Variants in SENP6 observed in about 807,000 individuals in gnomAD.
The protein encoded by SENP6 is sentrin-specific protease 6.
SENP6 carries 41 observed loss-of-function variants against 134.5 expected under a neutral mutation model. That is an observed-to-expected ratio of 0.30 (90% CI 0.24 to 0.40). The LOEUF is 0.40. Among genes scored for constraint, SENP6 ranks in the 10% least tolerant of loss-of-function variants. SENP6 has a pLI of 1.00. For missense variants in SENP6, 1,248 were observed against 1,312.5 expected, an observed-to-expected ratio of 0.95 and a Z score of 0.76; for synonymous variants, 395 against 429.8, an observed-to-expected ratio of 0.92 and a Z score of 1.00.
rs750797834 is a variant in SENP6, at chr6:75,602,535, G to A, written c.11G>A (p.Gly4Asp). The change falls in exon 1 of 24, where the codon GGC becomes GAC. Residue 4 changes from glycine (G) to aspartate (D), a missense_variant. By Grantham distance (94) the Gly-to-Asp change is moderately conservative. Transcript: ENST00000447266. ...CGTGGGAGGAGGAAGATGGCGGCCG[G>A]CAAGAGCGGCGGTAGCGCAGGGGAG... is the stretch of plus-strand genomic sequence containing the variant. MAA[G>D]KSGGSAGEIT... 6.4e-7 allele frequency: 1 copy of A among 1,551,574 alleles called. No homozygotes were observed. The highest frequency in any genetic ancestry group is 2.0e-5 in the Admixed American group (1 of 51,010).
At chr6:75,633,807 A>C (rs1769295799) in intron 4 of SENP6, 81 bp downstream of exon 4, 1 of 1,203,590 alleles carries the variant, frequency 8.3e-7, no homozygotes, top group Non-Finnish European at 1.1e-6. Context: ...TAATAGGCCC[A>C]ACCTGTACCT....
chr6:75,622,072 T>C (rs1768315221), intron 2 of SENP6, among the ~76,000 whole-genome samples: 1 of 152,162 alleles, frequency 6.6e-6, no homozygotes, highest in African/African-American at 2.4e-5. Context: ...CACATCCATC[T>C]TAGGTCAGAT....
chr6:75,647,815 T>G lies in SENP6; in HGVS notation c.550+14T>G. ...TCCAAGGTGTTGGTAAGTGTGCAGTTTTGTTACACCTGTGAAGGATTTCAA... is the reference window on the plus strand; with the variant it reads ...TCCAAGGTGTTGGTAAGTGTGCAGTGTTGTTACACCTGTGAAGGATTTCAA... On this transcript the variant is annotated intron_variant, in intron 7 of 23. Coordinates refer to ENST00000447266, the MANE Select transcript of SENP6 (RefSeq NM_015571.4). 6.2e-7 allele frequency: 1 copy of G among 1,600,946 alleles called. No individual in the cohort carries two copies. The highest frequency in any genetic ancestry group is 8.6e-7 in the Non-Finnish European group (1 of 1,169,374).
In SENP6 at chr6:75,663,209, C is replaced by A. The variant is rs1228810885; in HGVS notation, c.697-12C>A. On this transcript the variant is annotated splice_polypyrimidine_tract_variant and intron_variant, in intron 8 of 23. Coordinates refer to ENST00000447266, the MANE Select transcript of SENP6 (RefSeq NM_015571.4). ...GACCAAATGCCAAAGTTGTGGTGTT[C>A]TTTTTTCTAAGGATTTGCAAAGAAA... 1 of 1,605,252 alleles carries A rather than the reference C, an allele frequency of 6.2e-7. No individual in the cohort carries two copies. The highest frequency in any genetic ancestry group is 1.3e-5 in the African/African-American group (1 of 74,310).
chr6:75,604,736 T>G (rs558776198), intron 1 of SENP6, among the ~76,000 whole-genome samples: 1 of 152,342 alleles, frequency 6.6e-6, no homozygotes, highest in South Asian at 2.1e-4. Flanking sequence ...TGTTTTCTGC[T>G]TATTTCCCAT....
chr6:75,661,141 GAAT>G (rs1771744752), intron 8 of SENP6, among the ~76,000 whole-genome samples: 1 of 152,128 alleles, frequency 6.6e-6, no homozygotes, highest in Non-Finnish European at 1.5e-5. Flanking sequence ...ATCTATATTA[GAAT>G]CCATAAGTTC....
rs777382347 is a variant in SENP6 at position 75,663,222 on chromosome 6, A to G, written c.698A>G (p.Asp233Gly). 6.2e-7 allele frequency: 1 copy of G among 1,607,018 alleles called. No homozygotes were observed. Among genetic ancestry groups the G allele is most frequent in the Non-Finnish European group, 8.5e-7 (1 of 1,178,400 alleles). Residue 233 changes from aspartate (D) to glycine (G), a missense_variant and splice_region_variant, in exon 9 of 24, where the codon GAT becomes GGT. Asp to Gly is a moderately conservative substitution (Grantham distance 94). Coordinates refer to ENST00000447266, the MANE Select transcript of SENP6 (RefSeq NM_015571.4). ...ASKKCLTHLEDLQRNCRQAIT... is the reference protein window; with the variant it reads ...ASKKCLTHLEGLQRNCRQAIT... ...AGTTGTGGTGTTCTTTTTTCTAAGG[A>G]TTTGCAAAGAAATTGCAGACAAGCT...
intron 18 of SENP6, among the ~76,000 whole-genome samples, chr6:75,699,429 A>G (rs1411925848): frequency 7.1e-6 from 1 of 141,588 alleles, no homozygotes; most frequent in African/African-American, 2.7e-5. Context: ...TGGCTGCCAT[A>G]TATTTGTCAT....
intron 1 of SENP6, among the ~76,000 whole-genome samples, chr6:75,610,127 T>C (rs1291770357): frequency 6.6e-6 from 1 of 152,128 alleles, no homozygotes; most frequent in Non-Finnish European, 1.5e-5. Flanking sequence ...GATTCAGGAA[T>C]TTCTGAAACT....
Position 75,635,808 on chromosome 6 carries a change from A to T in SENP6, c.458+997A>T, listed in dbSNP as rs182169352. On this transcript the variant is annotated intron_variant, in intron 5 of 23. Transcript: ENST00000447266. ...TAAAAGGAGAGTAATTAGGGGAGAG[A>T]AAAAGAGTAGACACATTCTTATGCC... Among the ~76,000 whole-genome samples the T allele has an allele frequency of 3.8e-3, 577 of 152,244 alleles. 4 individuals are homozygous for T. Among genetic ancestry groups the T allele is most frequent in the African/African-American group, 0.013 (543 of 41,572 alleles).
chr6:75,697,350 A>T, intron 17 of SENP6, 75 bp from the exon 18 acceptor site: 1 of 1,034,934 alleles, frequency 9.7e-7, no homozygotes, highest in Non-Finnish European at 1.4e-6. Flanking sequence ...GAATCTTCTT[A>T]ATTTATAAAT....
At chr6:75,616,458 T>A (rs1767852629) in intron 1 of SENP6, among the ~76,000 whole-genome samples, 1 of 152,266 alleles carries the variant, frequency 6.6e-6, no homozygotes, top group Non-Finnish European at 1.5e-5. Flanking sequence ...GTTAGAATTA[T>A]GTGTACACAG....
intron 1 of SENP6, among the ~76,000 whole-genome samples, chr6:75,606,847 C>G (rs1767065781): frequency 1.3e-5 from 2 of 152,110 alleles, no homozygotes; most frequent in Non-Finnish European, 2.9e-5. Flanking sequence ...ATAAGGGACA[C>G]TTAACCTGAA....
chr6:75,612,516 A>C (rs1767530947), intron 1 of SENP6, among the ~76,000 whole-genome samples: 1 of 151,940 alleles, frequency 6.6e-6, no homozygotes, highest in Non-Finnish European at 1.5e-5. Flanking sequence ...ATTTTTGTAG[A>C]GACAGAGTGT....
At chr6:75,681,624 A>G (rs750521178) in intron 16 of SENP6, among the ~76,000 whole-genome samples, 8 of 152,068 alleles carry the variant, frequency 5.3e-5, no homozygotes, top group Non-Finnish European at 1.0e-4. Flanking sequence ...ACACCCAGCT[A>G]ATTTTCAGGT....
chr6:75,667,321 A>T (rs575997810), intron 10 of SENP6, among the ~76,000 whole-genome samples: 49 of 152,322 alleles, frequency 3.2e-4, no homozygotes, highest in African/African-American at 1.1e-3. Flanking sequence ...GTTCACATGG[A>T]AAAAGGTAAT....
At chr6:75,660,357 TTTC>T (rs1421543303) in intron 8 of SENP6, among the ~76,000 whole-genome samples, 1 of 152,248 alleles carries the variant, frequency 6.6e-6, no homozygotes, top group African/African-American at 2.4e-5. Context: ...ATTAATAAGA[TTTC>T]TAACATGAGC....
At position 75,705,027 on chromosome 6, in the gene SENP6, G is replaced by A. The variant is rs115311117; in HGVS notation, c.2716+1955G>A. 2.5e-3 allele frequency among the ~76,000 whole-genome samples: 374 copies of A among 152,246 alleles called. 3 individuals are homozygous for A. Among genetic ancestry groups the A allele is most frequent in the African/African-American group, 8.3e-3 (344 of 41,550 alleles). On this transcript the variant is annotated intron_variant, in intron 19 of 23. Coordinates refer to ENST00000447266, the MANE Select transcript of SENP6 (RefSeq NM_015571.4). ...AATTGTTCAGGGTACAGGCCAAAAT[G>A]GAGTTTCTTATGTCTTCCCTTTCTA...
chr6:75,653,788 G>A (rs1280081302), intron 7 of SENP6, among the ~76,000 whole-genome samples: 1 of 151,996 alleles, frequency 6.6e-6, no homozygotes. Context: ...TCTGTTCTTG[G>A]GAAACTCCAC....
Sources: allele counts gnomAD v4.1 joint callset (sites outside exome capture counted in the v4.1 genomes callset), GRCh38; gene constraint gnomAD v4.1.1; transcripts MANE v1.5; gene names NCBI Gene and HGNC (gene_info 2026-07-23, HGNC 2026-07-21).